The following CFH variants were observed in gnomAD, a reference collection of about 807,000 sequenced individuals.
CFH encodes the protein H factor 1 (complement).
Under a neutral mutation model 147.3 loss-of-function variants are expected in CFH, and 53 were observed. The observed-to-expected ratio is 0.36, with a 90% confidence interval of 0.29 to 0.45. The LOEUF (loss-of-function observed/expected upper bound fraction) is 0.45. Ranked by LOEUF, CFH falls within the 20% of genes least tolerant of loss-of-function variation. CFH has a pLI of 1.00. For missense variants in CFH, 1,380 were observed against 1,498.0 expected (o/e 0.92, Z 1.30); for synonymous variants, 536 against 489.4 (o/e 1.10, Z -1.26).
chr1:196,684,650 T>C (rs1380731615), intron 6 of CFH, among the ~76,000 whole-genome samples: 1 of 151,998 alleles, frequency 6.6e-6, no homozygotes, highest in Non-Finnish European at 1.5e-5. Context: ...CCACAGTTAC[T>C]TCAAAGAGGA....
intron 1 of CFH, among the ~76,000 whole-genome samples, chr1:196,653,924 T>G (rs1572990771): frequency 6.6e-6 from 1 of 152,106 alleles, no homozygotes; most frequent in African/African-American, 2.4e-5. Context: ...TAAAAGCACA[T>G]GTAATGCAAA....
At position 196,684,924 on chromosome 1, in the gene CFH, A is replaced by T. The variant is rs1667774717; in HGVS notation, c.791-140A>T. On this transcript the variant is annotated intron_variant, in intron 6 of 21. Coordinates refer to ENST00000367429, the MANE Select transcript of CFH (RefSeq NM_000186.4). ...AAATAAGTGATATACCAGAAAGGAT[A>T]CTATGATATGTTCATTTTAATGCCA... is the stretch of plus-strand genomic sequence containing the variant. 7.4e-6 allele frequency: 5 copies of T among 677,818 alleles called. No individual in the cohort carries two copies. In the East Asian group the frequency reaches 1.4e-4, roughly 18 times the overall value. 42.0% of individuals were successfully genotyped at this position (677,818 alleles called of 1,614,324 possible).
intron 15 of CFH, among the ~76,000 whole-genome samples, chr1:196,728,727 ACACACG>A (rs1313640539): frequency 1.4e-5 from 2 of 139,700 alleles, no homozygotes; most frequent in Admixed American, 7.7e-5. Flanking sequence ...ACACACACAC[ACACACG>A]CACACACACA....
intron 9 of CFH, among the ~76,000 whole-genome samples, chr1:196,693,955 GGTGTGTGT>G (rs71567586): frequency 2.6e-4 from 37 of 142,754 alleles, no homozygotes; most frequent in African/African-American, 8.6e-4. Flanking sequence ...TTAGATAAAT[GGTGTGTGT>G]GTGTGTGTGT....
chr1:196,691,885 T>C (rs1212183190), intron 9 of CFH, among the ~76,000 whole-genome samples: 1 of 152,094 alleles, frequency 6.6e-6, no homozygotes, highest in African/African-American at 2.4e-5. Flanking sequence ...TCTTTTCATA[T>C]TTTAAAAATA....
At chr1:196,742,915 T>C (rs1307205896) in intron 19 of CFH, among the ~76,000 whole-genome samples, 1 of 152,228 alleles carries the variant, frequency 6.6e-6, no homozygotes, top group Non-Finnish European at 1.5e-5. Flanking sequence ...ATTTGGATCC[T>C]TTGATTAACC....
intron 19 of CFH, among the ~76,000 whole-genome samples, chr1:196,743,157 A>G (rs1468744458): frequency 6.6e-6 from 1 of 152,190 alleles, no homozygotes; most frequent in African/African-American, 2.4e-5. Flanking sequence ...ACTCAAAGAG[A>G]GATATCCAGG....
Position 196,676,043 on chromosome 1 carries a change from C to T in CFH, c.405C>T (p.Thr135=). 6.2e-7 allele frequency: 1 copy of T among 1,606,618 alleles called. No homozygotes were observed. The highest frequency in any genetic ancestry group is 8.5e-7 in the Non-Finnish European group (1 of 1,174,390). ...NYRECDTDGW[T]NDIPICEVVK... ...GTGAATGTGACACAGATGGATGGAC[C>T]AATGATATTCCTATATGTGAAGGTA... Residue 135 remains threonine (T), a synonymous_variant, in exon 4 of 22, where the codon ACC becomes ACT. Transcript: ENST00000367429.
chr1:196,703,449 C>T (rs1668510312), intron 9 of CFH, among the ~76,000 whole-genome samples: 1 of 152,168 alleles, frequency 6.6e-6, no homozygotes, highest in South Asian at 2.1e-4. Context: ...TGGTAGCACC[C>T]AGGGGCTTCT....
At chr1:196,682,570 G>T (rs1298424285) in intron 6 of CFH, among the ~76,000 whole-genome samples, 1 of 151,004 alleles carries the variant, frequency 6.6e-6, no homozygotes, top group Non-Finnish European at 1.5e-5. Context: ...TTCAAAAATT[G>T]GTATTAAATT....
At chr1:196,736,738 ATTAT>A (rs1381740022) in intron 15 of CFH, 82 bp from the exon 16 acceptor site, 1 of 599,278 alleles carries the variant, frequency 1.7e-6, no homozygotes, top group African/African-American at 2.0e-5. Context: ...AATCATATAA[ATTAT>A]TTTTCATCAA....
rs1014845575 is a variant in CFH at position 196,709,643 on chromosome 1, A to G, written c.1337-4092A>G. Among the ~76,000 whole-genome samples, 4 of 152,240 alleles carry G rather than the reference A, an allele frequency of 2.6e-5. No individual in the cohort carries two copies. The South Asian group carries it at 6.2e-4, about 24-fold the overall frequency. ...ACTAAATCAGCTTTCCATTTGTCCA[A>G]CTTCTCTGTAGCTGGTCATTGATTA... On this transcript the variant is annotated intron_variant, in intron 9 of 21. Transcript: ENST00000367429.
chr1:196,653,217 C>A (rs1203696531), intron 1 of CFH, among the ~76,000 whole-genome samples: 1 of 151,482 alleles, frequency 6.6e-6, no homozygotes, highest in Non-Finnish European at 1.5e-5. Context: ...ATGTTTAATA[C>A]CTTTTGAAAG....
intron 5 of CFH, chr1:196,677,920 A>T: frequency 2.2e-6 from 1 of 445,354 alleles, no homozygotes; most frequent in Non-Finnish European, 4.2e-6. Flanking sequence ...GTTAAATCAC[A>T]TGCCCTGGAT....
In CFH at chr1:196,737,489, T is replaced by C. The variant is rs940966719; in HGVS notation, c.2611T>C (p.Ser871Pro). 3.7e-6 allele frequency: 6 copies of C among 1,612,364 alleles called. No individual in the cohort carries two copies. In the African/African-American group the frequency reaches 8.0e-5, roughly 22 times the overall value. ...IPLCVEKIPC[S>P]QPPQIEHGTI... is the part of the protein sequence containing the mutation. ...TCTTCATTTAGAAAAAATTCCATGTTCACAACCACCTCAGATAGAACACGG... is the reference window on the plus strand; with the variant it reads ...TCTTCATTTAGAAAAAATTCCATGTCCACAACCACCTCAGATAGAACACGG... The change falls in exon 17 of 22, where the codon TCA (serine) becomes CCA (proline). Residue 871 changes from serine to proline, a missense_variant. Physicochemically the swap from Ser to Pro is moderately conservative, Grantham distance 74. Around this residue, in one of 4 missense-constraint regions of CFH, gnomAD observed 830 missense variants for 821.4 expected, o/e 1.01. Coordinates refer to ENST00000367429, the MANE Select transcript of CFH (RefSeq NM_000186.4).
In CFH at chr1:196,740,620, C is replaced by A. The variant is rs755926856; in HGVS notation, c.2784C>A (p.Gly928=). The A allele has an allele frequency of 3.7e-6, 6 of 1,608,400 alleles. No individual in the cohort carries two copies. The highest frequency in any genetic ancestry group is 1.1e-5 in the South Asian group (1 of 89,810). ...CTGAATTCATTCTTTTTTTTTTAGG[C>A]CTTCCTTGTAAATCTCCACCTGAGA... ...GKWSSPPQCE[G]LPCKSPPEIS... is the part of the protein sequence containing the mutation. Residue 928 remains glycine (G), a splice_region_variant and synonymous_variant, in exon 18 of 22, where the codon GGC becomes GGA. Transcript: ENST00000367429.
intron 1 of CFH, among the ~76,000 whole-genome samples, chr1:196,671,656 T>C (rs1031369115): frequency 1.4e-4 from 21 of 148,500 alleles, no homozygotes; most frequent in Middle Eastern, 7.1e-3. Flanking sequence ...TATATATACA[T>C]AAATATAAAT....
chr1:196,678,149 G>A (rs1400338591), intron 5 of CFH: 2 of 164,372 alleles, frequency 1.2e-5, no homozygotes, highest in East Asian at 3.3e-4. Flanking sequence ...AATGACATTC[G>A]TTTTTGAATA....
At chr1:196,737,229 C>A (rs930953319) in intron 16 of CFH, among the ~76,000 whole-genome samples, 18 of 152,072 alleles carry the variant, frequency 1.2e-4, no homozygotes, top group African/African-American at 4.3e-4. Context: ...ATAACATTTC[C>A]ATTCATGCAT....
Sources: allele counts gnomAD v4.1 joint callset (sites outside exome capture counted in the v4.1 genomes callset), GRCh38; gene constraint gnomAD v4.1.1; regional missense constraint gnomAD v4.1.1; transcripts MANE v1.5; gene names NCBI Gene and HGNC (gene_info 2026-07-23, HGNC 2026-07-21).